Variants in KPNA1 observed in about 807,000 individuals in gnomAD.
The protein encoded by KPNA1 is karyopherin subunit alpha 1, also known as importin subunit alpha-5.
A neutral mutation model predicts 70.5 loss-of-function variants in KPNA1; 10 were observed. The observed-to-expected ratio is 0.14, with a 90% confidence interval of 0.09 to 0.24. The LOEUF is 0.24. Among genes scored for constraint, KPNA1 ranks in the 10% least tolerant of loss-of-function variants. The pLI is 1.00. For missense variants in KPNA1, 397 were observed against 637.9 expected (o/e 0.62, Z 4.07); for synonymous variants, 192 against 221.9 (o/e 0.87, Z 1.20).
At chr3:122,449,038 T>A in intron 9 of KPNA1, among the ~76,000 whole-genome samples, 1 of 152,244 alleles carries the variant, frequency 6.6e-6, no homozygotes, top group Middle Eastern at 3.2e-3. Context: ...CTCCCATACC[T>A]TGTAACTGTA....
At chr3:122,431,051 A>AT (rs2075898821) in intron 12 of KPNA1, among the ~76,000 whole-genome samples, 1 of 152,210 alleles carries the variant, frequency 6.6e-6, no homozygotes, top group South Asian at 2.1e-4. Context: ...TCTTTGATGA[A>AT]TGTTTCTCTA....
chr3:122,440,987 GA>G (rs1359300796), intron 10 of KPNA1, among the ~76,000 whole-genome samples: 19 of 152,216 alleles, frequency 1.2e-4, no homozygotes, highest in African/African-American at 4.1e-4. Flanking sequence ...TTAGAGATTA[GA>G]AAAGGCATTA....
At chr3:122,513,145 G>A (rs2076974502) in intron 1 of KPNA1, among the ~76,000 whole-genome samples, 1 of 152,134 alleles carries the variant, frequency 6.6e-6, no homozygotes. Context: ...AGTAACTTTG[G>A]GTTCTAAGGT....
intron 2 of KPNA1, among the ~76,000 whole-genome samples, chr3:122,495,618 T>C (rs1347713757): frequency 6.7e-6 from 1 of 149,784 alleles, no homozygotes; most frequent in South Asian, 2.1e-4. Flanking sequence ...AAAATATTTA[T>C]AATAGAATAT....
chr3:122,494,837 G>T (rs1292225654), intron 2 of KPNA1, among the ~76,000 whole-genome samples: 2 of 152,092 alleles, frequency 1.3e-5, no homozygotes, highest in Non-Finnish European at 2.9e-5. Flanking sequence ...CCTTCAAATG[G>T]TGTTATGCCA....
rs548922139 is a variant in KPNA1, at chr3:122,486,598, T to A, written c.129+9839A>T. ...TATGTTAAAGTCTGTGCATTCTTTT[T>A]TTTTTTTGAGACGGAGTCTCGCTCT... On this transcript the variant is annotated intron_variant, in intron 2 of 13. Coordinates refer to ENST00000344337, the MANE Select transcript of KPNA1 (RefSeq NM_002264.4). Among the ~76,000 whole-genome samples the A allele has an allele frequency of 1.6e-4, 24 of 152,260 alleles. No homozygotes were observed. The East Asian group carries it at 4.3e-3, about 27-fold the overall frequency.
rs573890109 is a variant in KPNA1, at chr3:122,435,234, T to C, written c.1123-1446A>G. ...ATTGTGGTAAATGAAAACCTTGGAT[T>C]AGATGATCTCTCTGTTTCCATTCAT... On this transcript the variant is annotated intron_variant, in intron 11 of 13. Transcript: ENST00000344337. 2.6e-5 allele frequency among the ~76,000 whole-genome samples: 4 copies of C among 152,274 alleles called. No homozygotes were observed. In the East Asian group the frequency reaches 7.7e-4, roughly 29 times the overall value.
chr3:122,434,918 T>C (rs866872575), intron 11 of KPNA1, among the ~76,000 whole-genome samples: 2 of 152,224 alleles, frequency 1.3e-5, no homozygotes, highest in Admixed American at 6.5e-5. Context: ...GTTATAGCTA[T>C]TAATCTCAGT....
At chr3:122,480,584 C>T (rs2076559949) in intron 2 of KPNA1, among the ~76,000 whole-genome samples, 2 of 151,410 alleles carry the variant, frequency 1.3e-5, no homozygotes, top group African/African-American at 4.9e-5. Context: ...GAAACTAACA[C>T]CAGATGAAAT....
chr3:122,512,513 G>A (rs1408808361), intron 1 of KPNA1, among the ~76,000 whole-genome samples: 1 of 152,234 alleles, frequency 6.6e-6, no homozygotes, highest in Non-Finnish European at 1.5e-5. Flanking sequence ...CGTGAGCTCA[G>A]GAGTTCGAGA....
At chr3:122,453,820 T>C (rs1468769421) in intron 6 of KPNA1, 50 bp downstream of exon 6, 3 of 1,563,790 alleles carry the variant, frequency 1.9e-6, no homozygotes, top group Non-Finnish European at 1.7e-6. Flanking sequence ...GTGAGCGACA[T>C]GCCCAGCCAA....
chr3:122,468,926 C>T (rs1277164196), intron 2 of KPNA1, among the ~76,000 whole-genome samples: 3 of 152,080 alleles, frequency 2.0e-5, no homozygotes, highest in Admixed American at 2.0e-4. Context: ...AAAGGACTGA[C>T]ACAAATAGAA....
At chr3:122,433,938 CT>C (rs1043325100) in intron 11 of KPNA1, 150 bp from the exon 12 acceptor site, 91 of 633,566 alleles carry the variant, frequency 1.4e-4, no homozygotes, top group African/African-American at 2.3e-4. Flanking sequence ...TATCTCTAAC[CT>C]TTTTTTTTCT....
At chr3:122,499,611 TCAGA>T (rs1035240909) in intron 1 of KPNA1, among the ~76,000 whole-genome samples, 1 of 151,910 alleles carries the variant, frequency 6.6e-6, no homozygotes, top group African/African-American at 2.4e-5. Context: ...AAAATAAAAA[TCAGA>T]CAGGCTGGTG....
rs765026345 is a variant in KPNA1, at chr3:122,467,442, A to C, written c.130-13T>G. Reference sequence around the variant, plus strand: ...TCCGCTTGAATAACTGAAAGATAAAAGATTGGTAGCAATGTAAATGTAAAT... The same window carrying C: ...TCCGCTTGAATAACTGAAAGATAAACGATTGGTAGCAATGTAAATGTAAAT... On this transcript the variant is annotated splice_polypyrimidine_tract_variant and intron_variant, in intron 2 of 13. Transcript: ENST00000344337. The C allele has an allele frequency of 6.6e-7, 1 of 1,523,852 alleles. No individual in the cohort carries two copies. Among genetic ancestry groups the C allele is most frequent in the Non-Finnish European group, 9.1e-7 (1 of 1,101,450 alleles). 94.4% of individuals were successfully genotyped at this position (1,523,852 alleles called of 1,614,324 possible). A position where few individuals can be genotyped will look rare whatever the true frequency, so the allele number is the denominator to read the frequency against.
rs1223565853 is a variant in KPNA1 at position 122,461,321 on chromosome 3, G to A, written c.338-3C>T. 2 of 1,595,660 alleles carry A rather than the reference G, an allele frequency of 1.3e-6. No homozygotes were observed. The highest frequency in any genetic ancestry group is 2.2e-5 in the East Asian group (1 of 44,766). ...TTCATCAATAGGAGGGTTAGGTTCTGTTTCCCCATAAAATAAAAGAAAAAA... is the reference window on the plus strand; with the variant it reads ...TTCATCAATAGGAGGGTTAGGTTCTATTTCCCCATAAAATAAAAGAAAAAA... On this transcript the variant is annotated splice_polypyrimidine_tract_variant and splice_region_variant and intron_variant, in intron 4 of 13. Coordinates refer to ENST00000344337, the MANE Select transcript of KPNA1 (RefSeq NM_002264.4).
intron 1 of KPNA1, among the ~76,000 whole-genome samples, chr3:122,509,143 G>A (rs1266639000): frequency 6.6e-6 from 1 of 151,918 alleles, no homozygotes; most frequent in African/African-American, 2.4e-5. Flanking sequence ...CTACTCGTGA[G>A]GCTGAGTCAG....
chr3:122,476,861 C>CAAAAAAA (rs144118691), intron 2 of KPNA1, among the ~76,000 whole-genome samples: 933 of 65,472 alleles, frequency 0.014, 49 homozygotes, highest in African/African-American at 0.03. Context: ...GGAGGTTCCA[C>CAAAAAAA]AAAAAAAAAA....
chr3:122,449,541 G>C, intron 9 of KPNA1, 33 bp downstream of exon 9: 3 of 1,572,918 alleles, frequency 1.9e-6, no homozygotes, highest in Non-Finnish European at 2.6e-6. Flanking sequence ...CCAAGGGAGA[G>C]AAAGTGGACA....
Sources: allele counts gnomAD v4.1 joint callset (sites outside exome capture counted in the v4.1 genomes callset), GRCh38; gene constraint gnomAD v4.1.1; transcripts MANE v1.5; gene names NCBI Gene and HGNC (gene_info 2026-07-23, HGNC 2026-07-21).